SCAPER: variants seen among roughly 807,000 people sequenced by gnomAD.
SCAPER encodes S phase cyclin A-associated protein in the endoplasmic reticulum.
In SCAPER, 98 loss-of-function variants were observed where a neutral mutation model predicts 182.2. That is an observed-to-expected ratio of 0.54 (90% CI 0.46 to 0.64). SCAPER has a LOEUF of 0.64. Among genes scored for constraint, SCAPER ranks in the 30% least tolerant of loss-of-function variants. The pLI is 0.00. For missense variants in SCAPER, 1,432 were observed against 1,690.0 expected, an observed-to-expected ratio of 0.85 and a Z score of 2.68; for synonymous variants, 605 against 564.6, an observed-to-expected ratio of 1.07 and a Z score of -1.01.
Position 76,839,304 on chromosome 15 carries a change from G to GA in SCAPER, c.393+2429dup, listed in dbSNP as rs372643036. Among the ~76,000 whole-genome samples, 34 of 152,122 alleles carry GA rather than the reference G, an allele frequency of 2.2e-4. 1 individual carries two copies. The East Asian group carries it at 6.4e-3, about 29-fold the overall frequency. ...GCTAAAGGATAAAAATCACAAATAG[G>GA]AAAAAATCTTTCAGTGCATTAACAA... On this transcript the variant is annotated intron_variant, in intron 5 of 31. Transcript: ENST00000563290.
chr15:76,397,308 G>A (rs764727695), intron 27 of SCAPER, among the ~76,000 whole-genome samples: 2 of 151,914 alleles, frequency 1.3e-5, no homozygotes, highest in Non-Finnish European at 2.9e-5. Context: ...CTCTGATTTT[G>A]ACATCAGAGT....
chr15:76,657,594 A>C, intron 21 of SCAPER, among the ~76,000 whole-genome samples: 1 of 150,788 alleles, frequency 6.6e-6, no homozygotes, highest in Admixed American at 6.6e-5. Flanking sequence ...ACAACAAAAA[A>C]AAAAAAAAAG....
At chr15:76,888,739 T>C (rs893752273) in intron 1 of SCAPER, among the ~76,000 whole-genome samples, 11 of 152,198 alleles carry the variant, frequency 7.2e-5, no homozygotes, top group Admixed American at 5.2e-4. Flanking sequence ...TGGAACCAAG[T>C]TGGAAAACAC....
At chr15:76,398,671 AC>A (rs2044247775) in intron 27 of SCAPER, among the ~76,000 whole-genome samples, 2 of 152,256 alleles carry the variant, frequency 1.3e-5, no homozygotes. Context: ...TGGCTAGAAC[AC>A]ATTTTGTTAT....
At chr15:76,431,676 CAAAAAAAAAAAAAAAA>C (rs60675828) in intron 26 of SCAPER, among the ~76,000 whole-genome samples, 1 of 47,128 alleles carries the variant, frequency 2.1e-5, no homozygotes, top group Non-Finnish European at 3.5e-5. Context: ...AAATGATTAG[CAAAAAAAAAAAAAAAA>C]AAAAAAAAAA....
At chr15:76,464,563 A>AT (rs1596784867) in intron 25 of SCAPER, among the ~76,000 whole-genome samples, 2 of 152,248 alleles carry the variant, frequency 1.3e-5, no homozygotes, top group East Asian at 1.9e-4. Flanking sequence ...TGAAAAAAAA[A>AT]CTATGCATAA....
chr15:76,625,046 C>A (rs558474775), intron 21 of SCAPER, among the ~76,000 whole-genome samples: 58 of 152,230 alleles, frequency 3.8e-4, no homozygotes, highest in Admixed American at 8.5e-4. Flanking sequence ...GGTGGGCTTT[C>A]CCTTAAGCCC....
At chr15:76,620,975 T>C (rs1009177035) in intron 22 of SCAPER, among the ~76,000 whole-genome samples, 3 of 152,054 alleles carry the variant, frequency 2.0e-5, no homozygotes, top group Non-Finnish European at 2.9e-5. Context: ...GTAACAAACC[T>C]GCACATCCTG....
intron 23 of SCAPER, among the ~76,000 whole-genome samples, chr15:76,521,905 C>G (rs1237090289): frequency 6.6e-6 from 1 of 152,086 alleles, no homozygotes; most frequent in Non-Finnish European, 1.5e-5. Context: ...CGCCCTGTGT[C>G]CCCAGATACT....
rs563244772 is a variant in SCAPER at position 76,688,012 on chromosome 15, CCA to C, written c.2508+13744_2508+13745del. Reference sequence around the variant, plus strand: ...CTAGTTCTAGACCCTTGAGGAATCGCCACACTGTCTTCTGCAATGGTTGAACT... The same window carrying C: ...CTAGTTCTAGACCCTTGAGGAATCGCCACTGTCTTCTGCAATGGTTGAACT... On this transcript the variant is annotated intron_variant, in intron 20 of 31. Transcript: ENST00000563290. Among the ~76,000 whole-genome samples the C allele has an allele frequency of 5.2e-3, 786 of 152,294 alleles. 9 individuals carry two copies. Among genetic ancestry groups the C allele is most frequent in the Middle Eastern group, 6.8e-3 (2 of 294 alleles).
At chr15:76,405,401 G>C (rs1000720215) in intron 26 of SCAPER, among the ~76,000 whole-genome samples, 1 of 152,002 alleles carries the variant, frequency 6.6e-6, no homozygotes, top group Non-Finnish European at 1.5e-5. Context: ...ACAGGCATGG[G>C]CCACCATGCC....
At chr15:76,511,886 T>TATA (rs1491172552) in intron 23 of SCAPER, among the ~76,000 whole-genome samples, 34 of 75,924 alleles carry the variant, frequency 4.5e-4, no homozygotes, top group African/African-American at 1.4e-3. Context: ...TATATATATA[T>TATA]TTTTTTTTTT....
At chr15:76,741,902 C>G (rs113117206) in intron 15 of SCAPER, among the ~76,000 whole-genome samples, 3 of 152,020 alleles carry the variant, frequency 2.0e-5, no homozygotes, top group African/African-American at 7.2e-5. Flanking sequence ...GAAGGTAGGG[C>G]TAAAGATTCA....
chr15:76,416,231 T>C (rs1364137531), intron 26 of SCAPER, among the ~76,000 whole-genome samples: 1 of 151,944 alleles, frequency 6.6e-6, no homozygotes, highest in African/African-American at 2.4e-5. Context: ...TCCCAGCACT[T>C]TGGAAGGCCG....
At chr15:76,792,905 T>C (rs1189748050) in intron 8 of SCAPER, among the ~76,000 whole-genome samples, 1 of 152,266 alleles carries the variant, frequency 6.6e-6, no homozygotes, top group Non-Finnish European at 1.5e-5. Flanking sequence ...TTGGGCTTGC[T>C]ACATAGAAAT....
intron 25 of SCAPER, among the ~76,000 whole-genome samples, chr15:76,451,146 G>A (rs927431260): frequency 2.0e-4 from 31 of 152,290 alleles, no homozygotes; most frequent in African/African-American, 7.5e-4. Flanking sequence ...CTGGCTTTCT[G>A]CAGTATGAAT....
At chr15:76,403,884 A>G (rs1164684148) in intron 27 of SCAPER, among the ~76,000 whole-genome samples, 1 of 152,036 alleles carries the variant, frequency 6.6e-6, no homozygotes, top group Non-Finnish European at 1.5e-5. Context: ...CTAGAGAATT[A>G]TTGTTTTTGA....
At chr15:76,419,030 C>T (rs939032089) in intron 26 of SCAPER, among the ~76,000 whole-genome samples, 1 of 152,240 alleles carries the variant, frequency 6.6e-6, no homozygotes, top group Non-Finnish European at 1.5e-5. Context: ...CCTGGCCCAA[C>T]AACCAGCCCA....
intron 5 of SCAPER, among the ~76,000 whole-genome samples, chr15:76,837,940 A>G (rs1834446307): frequency 6.6e-6 from 1 of 152,200 alleles, no homozygotes. Flanking sequence ...GAATGCTTAT[A>G]CACTGCTGGT....
Sources: gnomAD v4.1 joint callset for allele counts (sites outside exome capture counted in the v4.1 genomes callset) on GRCh38, gnomAD v4.1.1 for gene constraint, MANE v1.5 for transcripts, NCBI Gene and HGNC (gene_info 2026-07-23, HGNC 2026-07-21) for gene names.